The following MYO5B variants were observed in gnomAD, a reference collection of about 807,000 sequenced individuals.
MYO5B encodes unconventional myosin-Vb.
A neutral mutation model predicts 229.3 loss-of-function variants in MYO5B; 143 were observed. The ratio of observed to expected loss-of-function variants is 0.62; its 90% CI spans 0.54 to 0.72. The LOEUF (loss-of-function observed/expected upper bound fraction) is 0.72. Ranked by LOEUF, MYO5B falls within the 30% of genes least tolerant of loss-of-function variation. The pLI is 0.00. For missense variants in MYO5B, 2,321 were observed against 2,331.0 expected (o/e 1.00, Z 0.09); for synonymous variants, 918 against 885.2 (o/e 1.04, Z -0.66).
At chr18:49,985,242 G>T (rs192096410) in intron 7 of MYO5B, among the ~76,000 whole-genome samples, 1 of 152,152 alleles carries the variant, frequency 6.6e-6, no homozygotes, top group Non-Finnish European at 1.5e-5. Context: ...GACAAATGAG[G>T]AACAGTGATG....
intron 4 of MYO5B, among the ~76,000 whole-genome samples, chr18:50,009,839 G>T (rs557027288): frequency 6.6e-6 from 1 of 152,190 alleles, no homozygotes; most frequent in Non-Finnish European, 1.5e-5. Context: ...CCTGAAAGTG[G>T]GAAGGAGATG....
intron 1 of MYO5B, among the ~76,000 whole-genome samples, chr18:50,109,538 G>A (rs1175014851): frequency 1.3e-5 from 2 of 151,630 alleles, no homozygotes; most frequent in Admixed American, 6.6e-5. Flanking sequence ...CCATTCTCCT[G>A]CCTCAGCCTC....
intron 1 of MYO5B, among the ~76,000 whole-genome samples, chr18:50,151,039 C>A (rs779043148): frequency 6.6e-6 from 1 of 152,202 alleles, no homozygotes; most frequent in African/African-American, 2.4e-5. Flanking sequence ...CTCTCAGGAG[C>A]CTTCCTCTGT....
chr18:50,088,739 A>T (rs1379181657), intron 1 of MYO5B, among the ~76,000 whole-genome samples: 1 of 152,222 alleles, frequency 6.6e-6, no homozygotes, highest in Non-Finnish European at 1.5e-5. Context: ...CCATCTTCCA[A>T]AAGTGATTTA....
chr18:49,837,534 G>A lies in MYO5B; in HGVS notation c.5121C>T (p.Ser1707=). ...TCCCTTACCTGAGTTGCATGCCTGTGCTCCAAGAGCAGACGTCCTTCCGCA... is the reference window on the plus strand; with the variant it reads ...TCCCTTACCTGAGTTGCATGCCTGTACTCCAAGAGCAGACGTCCTTCCGCA... The part of the protein sequence containing the change: ...LLLRKDVCSW[S]TGMQLRYNIS... The change falls in exon 37 of 40, where the codon AGC becomes AGT. Residue 1707 remains serine (S), a synonymous_variant. Transcript: ENST00000285039. 1.2e-6 allele frequency: 2 copies of A among 1,613,906 alleles called. No homozygotes were observed. Among genetic ancestry groups the A allele is most frequent in the South Asian group, 2.2e-5 (2 of 91,022 alleles).
intron 2 of MYO5B, among the ~76,000 whole-genome samples, chr18:50,041,423 T>C (rs1395597016): frequency 6.6e-6 from 1 of 152,158 alleles, no homozygotes; most frequent in Non-Finnish European, 1.5e-5. Context: ...TGTTAAGGTA[T>C]ATTAACAAAC....
At chr18:49,939,148 CTTTTTTTTTTTTTTTTTT>C (rs1327992694) in intron 14 of MYO5B, among the ~76,000 whole-genome samples, 1 of 119,046 alleles carries the variant, frequency 8.4e-6, no homozygotes, top group Non-Finnish European at 1.6e-5. Context: ...TCTTTTTTTT[CTTTTTTTTTTTTTTTTTT>C]GAAACAGTCT....
At chr18:50,062,271 G>T (rs995879930) in intron 1 of MYO5B, among the ~76,000 whole-genome samples, 1 of 152,118 alleles carries the variant, frequency 6.6e-6, no homozygotes, top group Non-Finnish European at 1.5e-5. Flanking sequence ...TTGCAACAAC[G>T]CCTTGACCGG....
chr18:50,188,950 G>A (rs2033191335), intron 1 of MYO5B, among the ~76,000 whole-genome samples: 1 of 152,200 alleles, frequency 6.6e-6, no homozygotes, highest in Non-Finnish European at 1.5e-5. Flanking sequence ...CCAACATGGT[G>A]AAGCAGGATC....
At chr18:50,145,706 A>C (rs1473852605) in intron 1 of MYO5B, among the ~76,000 whole-genome samples, 1 of 152,182 alleles carries the variant, frequency 6.6e-6, no homozygotes, top group Non-Finnish European at 1.5e-5. Context: ...AACAGCTCTA[A>C]CAAAAGTCAA....
intron 30 of MYO5B, among the ~76,000 whole-genome samples, chr18:49,856,594 C>T (rs968287036): frequency 2.0e-5 from 3 of 152,222 alleles, no homozygotes; most frequent in African/African-American, 7.2e-5. Flanking sequence ...AGGAGGTCCA[C>T]TAAATGCTAT....
chr18:50,005,336 G>A (rs946186069), intron 4 of MYO5B, among the ~76,000 whole-genome samples: 2 of 152,072 alleles, frequency 1.3e-5, no homozygotes, highest in African/African-American at 4.8e-5. Flanking sequence ...ACAAATTCTT[G>A]GTAAGCCACG....
At chr18:50,034,172 G>T (rs2026422870) in intron 4 of MYO5B, among the ~76,000 whole-genome samples, 1 of 152,186 alleles carries the variant, frequency 6.6e-6, no homozygotes, top group African/African-American at 2.4e-5. Context: ...AAAGTACACT[G>T]TGCTAGCCTA....
chr18:49,974,673 C>A, intron 9 of MYO5B, 58 bp from the exon 10 acceptor site: 1 of 1,573,214 alleles, frequency 6.4e-7, no homozygotes, highest in Non-Finnish European at 8.6e-7. Context: ...CCGCCCCCCA[C>A]CAATGTCTTC....
chr18:49,919,337 A>T (rs769130993), intron 17 of MYO5B, among the ~76,000 whole-genome samples: 8 of 152,218 alleles, frequency 5.3e-5, no homozygotes, highest in Non-Finnish European at 1.0e-4. Flanking sequence ...TTCAAAATTA[A>T]AAGCTTTTGT....
At chr18:50,030,876 GAAAAAAAAAAAAAAAAAAAAAAA>G (rs869189090) in intron 4 of MYO5B, among the ~76,000 whole-genome samples, 3 of 30,484 alleles carry the variant, frequency 9.8e-5, no homozygotes, top group African/African-American at 1.2e-4. Context: ...CTCCCTTTCA[GAAAAAAAAAAAAAAAAAAAAAAA>G]AAAAAAAAAA....
chr18:49,931,836 C>A (rs2025196499), intron 16 of MYO5B, among the ~76,000 whole-genome samples: 1 of 152,198 alleles, frequency 6.6e-6, no homozygotes. Flanking sequence ...CACCCCTGTG[C>A]TTTGGAAAAG....
intron 4 of MYO5B, among the ~76,000 whole-genome samples, chr18:50,022,381 C>A (rs1386518199): frequency 6.6e-6 from 1 of 152,234 alleles, no homozygotes; most frequent in Non-Finnish European, 1.5e-5. Context: ...TCTTATTACA[C>A]ATATCAAAGC....
At chr18:50,160,115 G>A (rs535389022) in intron 1 of MYO5B, among the ~76,000 whole-genome samples, 10 of 152,342 alleles carry the variant, frequency 6.6e-5, no homozygotes, top group South Asian at 2.1e-4. Flanking sequence ...ACTTCCCAGC[G>A]GATGATAAAA....
Sources: gnomAD v4.1 joint callset for allele counts (sites outside exome capture counted in the v4.1 genomes callset) on GRCh38, gnomAD v4.1.1 for gene constraint, MANE v1.5 for transcripts, NCBI Gene and HGNC (gene_info 2026-07-23, HGNC 2026-07-21) for gene names.